The following C12orf50 variants were observed in gnomAD, a reference collection of about 807,000 sequenced individuals.
The protein encoded by C12orf50 is uncharacterized protein C12orf50.
A neutral mutation model predicts 61.6 loss-of-function variants in C12orf50; 35 were observed. The observed-to-expected ratio is 0.57, with a 90% CI of 0.43 to 0.75. The LOEUF is 0.75. C12orf50 is among the 30% of genes least tolerant of loss of function. C12orf50 has a pLI of 0.00. For missense variants in C12orf50, 475 were observed against 488.5 expected (o/e 0.97, Z 0.26); for synonymous variants, 178 against 161.5 (o/e 1.10, Z -0.77).
Position 87,987,878 on chromosome 12 carries a change from A to G in C12orf50, c.789T>C (p.Ser263=), listed in dbSNP as rs1040269322. Reference sequence around the variant, plus strand: ...AAGAGGGGTCCTCTCTGCACTTCATACTGATATTCTCAGTAGCATTTAATA... The same window carrying G: ...AAGAGGGGTCCTCTCTGCACTTCATGCTGATATTCTCAGTAGCATTTAATA... The part of the protein sequence containing the change: ...THVLNATENI[S]MKCREDPSSM... Residue 263 remains serine (S), a synonymous_variant, in exon 9 of 13, where the codon AGT becomes AGC. Coordinates refer to ENST00000298699, the MANE Select transcript of C12orf50 (RefSeq NM_152589.3). The G allele has an allele frequency of 2.5e-6, 4 of 1,609,398 alleles. No individual in the cohort carries two copies. In the African/African-American group the frequency reaches 5.4e-5, roughly 22 times the overall value.
At chr12:87,986,942 A>C (rs1444504742) in intron 9 of C12orf50, among the ~76,000 whole-genome samples, 1 of 152,122 alleles carries the variant, frequency 6.6e-6, no homozygotes. Flanking sequence ...AAGAATATTA[A>C]ATTTTTCACT....
intron 3 of C12orf50, among the ~76,000 whole-genome samples, chr12:88,014,215 T>C (rs1195313837): frequency 6.6e-6 from 1 of 152,198 alleles, no homozygotes; most frequent in African/African-American, 2.4e-5. Context: ...GTCTGATGCA[T>C]GGGTCATTCA....
intron 4 of C12orf50, among the ~76,000 whole-genome samples, chr12:87,997,485 C>A (rs1383830403): frequency 2.0e-5 from 3 of 151,958 alleles, no homozygotes; most frequent in Admixed American, 1.3e-4. Flanking sequence ...CATAGGTAAA[C>A]ACATGCCATG....
chr12:87,999,471 A>C (rs535205719), intron 3 of C12orf50, among the ~76,000 whole-genome samples: 1 of 152,168 alleles, frequency 6.6e-6, no homozygotes, highest in Non-Finnish European at 1.5e-5. Flanking sequence ...ATCACTTCAT[A>C]CTACAACGAT....
At position 87,980,321 on chromosome 12, in the gene C12orf50, A is replaced by G; in HGVS notation, c.*10T>C. The G allele has an allele frequency of 1.2e-6, 2 of 1,608,008 alleles. No homozygotes were observed. Among genetic ancestry groups the G allele is most frequent in the Middle Eastern group, 1.7e-4 (1 of 6,048 alleles). On this transcript the variant is annotated 3_prime_UTR_variant, in exon 13 of 13. Transcript: ENST00000298699. ...TTTTTTCTCATTTTTCTCTCTCTCAACCTCCAGGTTTACTTGCTCCCATTT... is the reference window on the plus strand; with the variant it reads ...TTTTTTCTCATTTTTCTCTCTCTCAGCCTCCAGGTTTACTTGCTCCCATTT...
rs909443884 is a variant in C12orf50, at chr12:88,028,703, G to A, written c.-109+637C>T. 2.6e-5 allele frequency among the ~76,000 whole-genome samples: 4 copies of A among 151,870 alleles called. No individual in the cohort carries two copies. The East Asian group carries it at 5.8e-4, about 22-fold the overall frequency. On this transcript the variant is annotated intron_variant, in intron 1 of 12. Coordinates refer to ENST00000298699, the MANE Select transcript of C12orf50 (RefSeq NM_152589.3). ...TTCAACTATTTGAATTATAATGACT[G>A]GAATCATATTAACTAAAACAATATC... is the stretch of plus-strand genomic sequence containing the variant.
chr12:88,020,060 A>G (rs112552809), intron 3 of C12orf50, among the ~76,000 whole-genome samples: 2 of 152,228 alleles, frequency 1.3e-5, no homozygotes, highest in Non-Finnish European at 2.9e-5. Flanking sequence ...CGGAAAGGAA[A>G]GACAGTTACC....
In C12orf50 at chr12:87,986,326, G is replaced by A; in HGVS notation, c.908C>T (p.Ser303Phe). 6.2e-7 allele frequency: 1 copy of A among 1,601,854 alleles called. No individual in the cohort carries two copies. Among genetic ancestry groups the A allele is most frequent in the Non-Finnish European group, 8.5e-7 (1 of 1,173,532 alleles). ...IYDEPQNFPN[S>F]GMQRAVQAPR... ...AGACACCTTACCTCTCTGCATTCCA[G>A]AGTTAGGAAAGTTCTGTGGTTCATC... Residue 303 changes from serine (S) to phenylalanine (F), a missense_variant, in exon 10 of 13, where the codon TCT becomes TTT. Ser to Phe is a radical substitution (Grantham distance 155). Coordinates refer to ENST00000298699, the MANE Select transcript of C12orf50 (RefSeq NM_152589.3).
At chr12:88,026,634 T>C (rs754764430) in intron 2 of C12orf50, 26 bp from the exon 3 acceptor site, 3 of 1,609,500 alleles carry the variant, frequency 1.9e-6, no homozygotes, top group Middle Eastern at 1.6e-4. Context: ...TTGGGGGAAA[T>C]GTAATGATTA....
At chr12:88,007,342 C>T (rs11104718) in intron 3 of C12orf50, among the ~76,000 whole-genome samples, 9,647 of 151,362 alleles carry the variant, frequency 0.064, 745 homozygotes, top group African/African-American at 0.19. Context: ...ATTAGAACAA[C>T]CTGCTCGTTC....
intron 3 of C12orf50, among the ~76,000 whole-genome samples, chr12:88,013,857 GGTT>G (rs2032205893): frequency 6.6e-6 from 1 of 152,170 alleles, no homozygotes; most frequent in South Asian, 2.1e-4. Flanking sequence ...GGTTTTTGGT[GGTT>G]GTTGTTTTAA....
At position 87,998,064 on chromosome 12, in the gene C12orf50, T is replaced by G. The variant is rs1461293251; in HGVS notation, c.260A>C (p.Glu87Ala). 7.4e-6 allele frequency: 12 copies of G among 1,611,518 alleles called. No homozygotes were observed. Among genetic ancestry groups the G allele is most frequent in the Non-Finnish European group, 8.5e-6 (10 of 1,178,802 alleles). ...TTGTTCATCTACTTCCTCTTCTTCC[T>G]CAAAATTAGTTTTTAAAACTAAAGG... ...HHPLVLKTNF[E>A]EEEEVDEQND... Residue 87 changes from glutamate to alanine, a missense_variant, in exon 4 of 13, where the codon GAG (glutamate) becomes GCG (alanine). Physicochemically the swap from Glu to Ala is moderately radical, Grantham distance 107 (BLOSUM62 -1). Coordinates refer to ENST00000298699, the MANE Select transcript of C12orf50 (RefSeq NM_152589.3).
intron 1 of C12orf50, 124 bp from the exon 2 acceptor site, chr12:88,027,194 T>C (rs1420521942): frequency 2.0e-6 from 2 of 1,016,282 alleles, no homozygotes; most frequent in Non-Finnish European, 2.7e-6. Context: ...AGATATACAC[T>C]ATCAATTTTA....
Position 87,980,122 on chromosome 12 carries a change from T to C in C12orf50, c.*209A>G. On this transcript the variant is annotated 3_prime_UTR_variant, in exon 13 of 13. Transcript: ENST00000298699. Reference sequence around the variant, plus strand: ...AGACCTACATAAATACACTGGCAGCTGTTGGTAATTTGCATTTTTATCAGT... The same window carrying C: ...AGACCTACATAAATACACTGGCAGCCGTTGGTAATTTGCATTTTTATCAGT... The C allele has an allele frequency of 1.8e-6, 1 of 551,782 alleles. No individual in the cohort carries two copies. Among genetic ancestry groups the C allele is most frequent in the Non-Finnish European group, 3.2e-6 (1 of 314,590 alleles). 34.2% of individuals were successfully genotyped at this position (551,782 alleles called of 1,614,324 possible).
At chr12:88,002,186 A>C (rs76587468) in intron 3 of C12orf50, among the ~76,000 whole-genome samples, 1 of 151,680 alleles carries the variant, frequency 6.6e-6, no homozygotes, top group Non-Finnish European at 1.5e-5. Context: ...TTGGTATGCT[A>C]TGTTTTACTT....
At chr12:88,022,221 TA>T (rs780550217) in intron 3 of C12orf50, among the ~76,000 whole-genome samples, 2 of 151,386 alleles carry the variant, frequency 1.3e-5, no homozygotes, top group South Asian at 4.2e-4. Context: ...ACTGACTACA[TA>T]AACAGAACTA....
intron 8 of C12orf50, 105 bp downstream of exon 8, chr12:87,989,159 T>C: frequency 1.3e-6 from 1 of 758,270 alleles, no homozygotes; most frequent in Admixed American, 2.3e-5. Context: ...TCAGTGTATA[T>C]TTTGATTTAT....
chr12:87,986,317 T>C lies in C12orf50; in HGVS notation c.917A>G (p.Gln306Arg), dbSNP rs10777084. 222,265 of 1,586,932 alleles carry C rather than the reference T, an allele frequency of 0.14. 29,602 individuals carry two copies. Among genetic ancestry groups the C allele is most frequent in the African/African-American group, 0.71 (52,418 of 73,520 alleles). ...EPQNFPNSGM[Q>R]RAVQAPRPQN... is the part of the protein sequence containing the mutation. ...CAAATATATAGACACCTTACCTCTC[T>C]GCATTCCAGAGTTAGGAAAGTTCTG... Residue 306 changes from glutamine to arginine, a missense_variant, in exon 10 of 13, where the codon CAG (glutamine) becomes CGG (arginine). Transcript: ENST00000298699.
intron 3 of C12orf50, among the ~76,000 whole-genome samples, chr12:88,002,771 CTCTT>C (rs1240055508): frequency 6.6e-6 from 1 of 151,624 alleles, no homozygotes; most frequent in African/African-American, 2.4e-5. Flanking sequence ...TCTGCTGTTT[CTCTT>C]TCTTTTACAC....
Sources: allele counts gnomAD v4.1 joint callset (sites outside exome capture counted in the v4.1 genomes callset), GRCh38; gene constraint gnomAD v4.1.1; transcripts MANE v1.5; gene names NCBI Gene and HGNC (gene_info 2026-07-23, HGNC 2026-07-21).